The following PHC2 variants were observed in gnomAD, a reference collection of about 807,000 sequenced individuals.
The protein encoded by PHC2 is polyhomeotic-like protein 2.
Under a neutral mutation model 87.4 loss-of-function variants are expected in PHC2, and 29 were observed. That is an observed-to-expected ratio of 0.33 (90% CI 0.25 to 0.45). The LOEUF (loss-of-function observed/expected upper bound fraction) is 0.45, where lower values mean the gene tolerates loss of function less well. Ranked by LOEUF, PHC2 falls within the 20% of genes least tolerant of loss-of-function variation. The pLI, the probability that PHC2 is intolerant of heterozygous loss-of-function variation, is 1.00. For missense variants in PHC2, 857 were observed against 1,136.7 expected (o/e 0.75, Z 3.54); for synonymous variants, 438 against 461.7 (o/e 0.95, Z 0.66).
intron 9 of PHC2, among the ~76,000 whole-genome samples, chr1:33,344,798 G>A (rs181676784): frequency 2.0e-5 from 3 of 151,966 alleles, no homozygotes; most frequent in East Asian, 1.9e-4. Context: ...CTGTAGAGGC[G>A]AGGTCTTGTT....
intron 1 of PHC2, among the ~76,000 whole-genome samples, chr1:33,430,602 G>A (rs545810662): frequency 1.3e-5 from 2 of 152,148 alleles, no homozygotes; most frequent in East Asian, 1.9e-4. Flanking sequence ...CGGAGAAAGC[G>A]AGTCACTGAC....
At chr1:33,406,613 T>G (rs150543542) in intron 1 of PHC2, among the ~76,000 whole-genome samples, 1 of 152,234 alleles carries the variant, frequency 6.6e-6, no homozygotes, top group East Asian at 1.9e-4. Context: ...TTATCCAGTA[T>G]GACAATCTTT....
chr1:33,349,488 T>C lies in PHC2; in HGVS notation c.1558+4913A>G, dbSNP rs1570470329. 7 of 985,090 alleles carry C rather than the reference T, an allele frequency of 7.1e-6. No individual in the cohort carries two copies. Among genetic ancestry groups the C allele is most frequent in the Non-Finnish European group, 7.2e-6 (6 of 829,832 alleles). 61.0% of individuals were successfully genotyped at this position (985,090 alleles called of 1,614,324 possible). A position where few individuals can be genotyped will look rare whatever the true frequency, so the allele number is the denominator to read the frequency against. ...CGACTGGCACGGCCTGGCAGCCGCGTAGGCCCGGGCCGTTAGGGGCACCGA... is the reference window on the plus strand; with the variant it reads ...CGACTGGCACGGCCTGGCAGCCGCGCAGGCCCGGGCCGTTAGGGGCACCGA... On this transcript the variant is annotated intron_variant, in intron 9 of 14. Transcript: ENST00000683057. This position sits in a 1 kb window ranked among gnomAD's most constrained non-coding sequence, Gnocchi z 4.2.
At position 33,334,428 on chromosome 1, in the gene PHC2, C is replaced by CT. The variant is rs1481489492; in HGVS notation, c.1559-137dup. The CT allele has an allele frequency of 1.4e-6, 1 of 710,346 alleles. No homozygotes were observed. The highest frequency in any genetic ancestry group is 2.4e-6 in the Non-Finnish European group (1 of 420,044). 44.0% of individuals were successfully genotyped at this position (710,346 alleles called of 1,614,324 possible). A position where few individuals can be genotyped will look rare whatever the true frequency, so the allele number is the denominator to read the frequency against. ...GCGACAATGCAAACCAAGCAGTCCC[C>CT]TCCCCTCAGTGACCCATTTAAAAGT... On this transcript the variant is annotated intron_variant, in intron 9 of 14. Transcript: ENST00000683057. The surrounding 1 kb of genome is among the most constrained non-coding windows in gnomAD (Gnocchi z 5.5).
At position 33,368,612 on chromosome 1, in the gene PHC2, G is replaced by T. The variant is rs550318031; in HGVS notation, c.587C>A (p.Thr196Lys). ...MYLRAQMLIF[T>K]PTATVATVQP... ...CACAGTAGCGACGGTGGCCGTGGGCGTGAAGATGAGCTGAGGGGACAAAGG... is the reference window on the plus strand; with the variant it reads ...CACAGTAGCGACGGTGGCCGTGGGCTTGAAGATGAGCTGAGGGGACAAAGG... The change falls in exon 6 of 15, where the codon ACG (threonine) becomes AAG (lysine). Residue 196 changes from threonine to lysine, a missense_variant. Coordinates refer to ENST00000683057, the MANE Select transcript of PHC2 (RefSeq NM_001385109.1). This position sits in a 1 kb window ranked among gnomAD's most constrained non-coding sequence, Gnocchi z 6.6. 7.7e-6 allele frequency: 12 copies of T among 1,550,814 alleles called. No homozygotes were observed. Among genetic ancestry groups the T allele is most frequent in the Non-Finnish European group, 9.6e-6 (11 of 1,146,434 alleles).
chr1:33,332,820 T>C lies in PHC2; in HGVS notation c.1762-416A>G, dbSNP rs1441172898. ...AGAGACTCAGCACCCATTTTCTGAT[T>C]TTTTTACTGTTCTCCACCTTACCCC... On this transcript the variant is annotated intron_variant, in intron 10 of 14. Transcript: ENST00000683057. The surrounding 1 kb of genome is among the most constrained non-coding windows in gnomAD (Gnocchi z 4.2). Among the ~76,000 whole-genome samples the C allele has an allele frequency of 1.3e-5, 2 of 152,122 alleles. No homozygotes were observed. The highest frequency in any genetic ancestry group is 2.9e-5 in the Non-Finnish European group (2 of 68,014).
Position 33,368,526 on chromosome 1 carries a change from G to A in PHC2, c.663+10C>T. 6.9e-7 allele frequency: 1 copy of A among 1,450,452 alleles called. No individual in the cohort carries two copies. Among genetic ancestry groups the A allele is most frequent in the Non-Finnish European group, 9.4e-7 (1 of 1,064,492 alleles). The allele number at this position is 1,450,452 out of a possible 1,614,324, so 89.8% of individuals were successfully genotyped here. On this transcript the variant is annotated intron_variant, in intron 6 of 14. Coordinates refer to ENST00000683057, the MANE Select transcript of PHC2 (RefSeq NM_001385109.1). The surrounding 1 kb of genome is among the most constrained non-coding windows in gnomAD (Gnocchi z 6.6). ...ACCCCCCTGCCCTCCCACAAGCATG[G>A]AGTCCTCACCTGGGCGGGGGTGGGG...
chr1:33,367,545 A>G (rs1647547961), intron 6 of PHC2, 117 bp from the exon 7 acceptor site: 15 of 805,786 alleles, frequency 1.9e-5, no homozygotes, highest in Non-Finnish European at 2.9e-5. Context: ...GAGGTTGTCA[A>G]ATCAGAGAGA....
At chr1:33,430,823 C>G (rs1650885781) in intron 1 of PHC2, among the ~76,000 whole-genome samples, 153 bp downstream of exon 1, 1 of 150,214 alleles carries the variant, frequency 6.7e-6, no homozygotes, top group Admixed American at 6.6e-5. Flanking sequence ...TGGCAATGCC[C>G]CGCCCCGCGC....
intron 9 of PHC2, among the ~76,000 whole-genome samples, chr1:33,353,647 C>T (rs1647015186): frequency 6.6e-6 from 1 of 152,198 alleles, no homozygotes; most frequent in Admixed American, 6.5e-5. Flanking sequence ...CCCGCCCCTA[C>T]CCCCTCAGCA....
chr1:33,375,718 T>A, intron 1 of PHC2, 125 bp from the exon 2 acceptor site: 2 of 574,650 alleles, frequency 3.5e-6, no homozygotes, highest in Non-Finnish European at 5.8e-6. Context: ...ATCAAAAATA[T>A]TCAAAAAATA....
intron 7 of PHC2, among the ~76,000 whole-genome samples, chr1:33,361,323 A>C (rs779762569): frequency 1.3e-5 from 2 of 152,146 alleles, no homozygotes; most frequent in Admixed American, 1.3e-4. Flanking sequence ...GGAGGACATA[A>C]AGACACAGTG....
intron 7 of PHC2, among the ~76,000 whole-genome samples, chr1:33,362,366 G>A (rs1488761271): frequency 6.6e-6 from 1 of 152,202 alleles, no homozygotes; most frequent in Non-Finnish European, 1.5e-5. Flanking sequence ...GAAACTGGTA[G>A]AGGGGGCCTT....
intron 1 of PHC2, among the ~76,000 whole-genome samples, chr1:33,397,394 G>A (rs1365404528): frequency 2.0e-5 from 3 of 152,172 alleles, no homozygotes; most frequent in Admixed American, 6.5e-5. Context: ...GAATCTGAAT[G>A]AGCATTGCAA....
intron 1 of PHC2, among the ~76,000 whole-genome samples, chr1:33,393,913 T>C (rs1177968906): frequency 6.6e-6 from 1 of 152,092 alleles, no homozygotes; most frequent in East Asian, 1.9e-4. Context: ...TGGTGACAGC[T>C]CTCCAACCTC....
chr1:33,334,086 G>A lies in PHC2; in HGVS notation c.1761+4C>T, dbSNP rs1333067439. 5.6e-6 allele frequency: 9 copies of A among 1,597,010 alleles called. No homozygotes were observed. The highest frequency in any genetic ancestry group is 5.4e-5 in the Admixed American group (3 of 55,562). ...AAAAAAAGGGGAAAAGAAGTAGTCC[G>A]TACCGGGAAAGGCTCCGCCCCCTCC... On this transcript the variant is annotated splice_donor_region_variant and intron_variant, in intron 10 of 14. Transcript: ENST00000683057. This position sits in a 1 kb window ranked among gnomAD's most constrained non-coding sequence, Gnocchi z 5.5.
At chr1:33,329,219 T>A in intron 13 of PHC2, 73 bp from the exon 14 acceptor site, 1 of 1,480,014 alleles carries the variant, frequency 6.8e-7, no homozygotes, top group South Asian at 1.2e-5. Context: ...AAAGGAGGTA[T>A]TTCTCCTTTT....
chr1:33,338,311 G>A (rs1646679270), intron 9 of PHC2, among the ~76,000 whole-genome samples: 1 of 152,216 alleles, frequency 6.6e-6, no homozygotes, highest in African/African-American at 2.4e-5. Flanking sequence ...ATCTTGTTAA[G>A]AGAGAGAACA....
chr1:33,348,154 C>T (rs10914687), intron 9 of PHC2, among the ~76,000 whole-genome samples: 25,883 of 152,210 alleles, frequency 0.17, 2,700 homozygotes, highest in South Asian at 0.27. Context: ...CGATAACCAA[C>T]ACAGTCAGGT....
Sources: allele counts gnomAD v4.1 joint callset (sites outside exome capture counted in the v4.1 genomes callset), GRCh38; gene constraint gnomAD v4.1.1; non-coding constraint Gnocchi (gnomAD v3.1); transcripts MANE v1.5; gene names NCBI Gene and HGNC (gene_info 2026-07-23, HGNC 2026-07-21).